The following MMP28 variants were observed in gnomAD, a reference collection of about 807,000 sequenced individuals.
The protein encoded by MMP28 is matrix metalloproteinase-28.
A neutral mutation model predicts 60.5 loss-of-function variants in MMP28; 55 were observed. The observed-to-expected ratio is 0.91, with a 90% CI of 0.73 to 1.14. The LOEUF is 1.14. MMP28 is among the 50% of genes most tolerant of loss of function. The probability of loss-of-function intolerance (pLI) is 0.00; values close to 1 mark genes in which losing one functional copy is unlikely to be tolerated. For missense variants in MMP28, 686 were observed against 738.3 expected, an observed-to-expected ratio of 0.93 and a Z score of 0.82; for synonymous variants, 318 against 312.5, an observed-to-expected ratio of 1.02 and a Z score of -0.18.
intron 1 of MMP28, among the ~76,000 whole-genome samples, chr17:35,794,553 T>C (rs2086909553): frequency 6.6e-6 from 1 of 152,094 alleles, no homozygotes; most frequent in African/African-American, 2.4e-5. Context: ...GCCTACACTT[T>C]TATCTAGAAA....
intron 4 of MMP28, among the ~76,000 whole-genome samples, chr17:35,771,696 A>AATATATATAAATATATAT (rs2086147518): frequency 2.0e-5 from 1 of 50,604 alleles, no homozygotes; most frequent in Non-Finnish European, 3.9e-5. Flanking sequence ...TATAGAAGTG[A>AATATATATAAATATATAT]ATATATATAT....
intron 1 of MMP28, among the ~76,000 whole-genome samples, chr17:35,784,075 G>C (rs1555609979): frequency 6.6e-6 from 1 of 152,176 alleles, no homozygotes; most frequent in African/African-American, 2.4e-5. Context: ...GAGGGCAGGA[G>C]TTCAAGGCCA....
At chr17:35,764,158 G>C, downstream of MMP28, 6 of 1,549,000 alleles carry the variant, frequency 3.9e-6, no homozygotes, top group Non-Finnish European at 5.2e-6. Context: ...AGCCGCCGCG[G>C]GTAGCGGAGG....
intron 1 of MMP28, among the ~76,000 whole-genome samples, chr17:35,788,110 T>A (rs2086708070): frequency 6.6e-6 from 1 of 151,716 alleles, no homozygotes; most frequent in African/African-American, 2.4e-5. Flanking sequence ...CTCTCTATGT[T>A]GCCCAGACTG....
intron 1 of MMP28, among the ~76,000 whole-genome samples, chr17:35,786,758 T>C (rs967270175): frequency 1.3e-5 from 2 of 150,904 alleles, no homozygotes; most frequent in Non-Finnish European, 2.9e-5. Flanking sequence ...GTTCTACATA[T>C]GAAAATATTT....
intron 1 of MMP28, among the ~76,000 whole-genome samples, chr17:35,790,792 A>G (rs2086792389): frequency 6.6e-6 from 1 of 152,150 alleles, no homozygotes; most frequent in Non-Finnish European, 1.5e-5. Flanking sequence ...GTTCGAAACC[A>G]GCCTGGCCAA....
At chr17:35,760,755 T>C (rs1598403838) in intron 2 of MMP28, 3 of 669,336 alleles carry the variant, frequency 4.5e-6, no homozygotes, top group East Asian at 5.7e-5. Context: ...TCTGAGTTGT[T>C]AGTGCTTTGG....
chr17:35,794,954 G>A (rs1382627312), intron 1 of MMP28, among the ~76,000 whole-genome samples: 1 of 152,158 alleles, frequency 6.6e-6, no homozygotes, highest in Non-Finnish European at 1.5e-5. Flanking sequence ...ATTCTCCCCA[G>A]CCTAGGTGGT....
chr17:35,758,411 G>A (rs1427444727), intron 2 of MMP28: 1 of 152,136 alleles, frequency 6.6e-6, no homozygotes, highest in Non-Finnish European at 1.5e-5. Flanking sequence ...TAGTGTGCTG[G>A]GTGGGCATGG....
chr17:35,758,488 T>G (rs1450993651), intron 2 of MMP28, among the ~76,000 whole-genome samples: 1 of 152,056 alleles, frequency 6.6e-6, no homozygotes, highest in East Asian at 1.9e-4. Context: ...GGTCAGGAGT[T>G]CAAGACCAGC....
chr17:35,766,528 T>G lies in MMP28; in HGVS notation c.1535A>C (p.His512Pro), dbSNP rs763999932. Residue 512 changes from histidine to proline, a missense_variant, in exon 8 of 8, where the codon CAT (histidine) becomes CCT (proline). Transcript: ENST00000605424. This position sits in a 1 kb window ranked among gnomAD's most constrained non-coding sequence, Gnocchi z 4.3. The part of the protein sequence containing the change: ...ATELPWMGCW[H>P]ANSGSALF ...GAACAGGGCGCTCCCCGAGTTGGCATGCCAGCAGCCCATCCAGGGCAGCTC... is the reference window on the plus strand; with the variant it reads ...GAACAGGGCGCTCCCCGAGTTGGCAGGCCAGCAGCCCATCCAGGGCAGCTC... 1 of 1,600,478 alleles carries G rather than the reference T, an allele frequency of 6.2e-7. No individual in the cohort carries two copies. Among genetic ancestry groups the G allele is most frequent in the Non-Finnish European group, 8.5e-7 (1 of 1,172,738 alleles).
intron 2 of MMP28, chr17:35,758,290 G>C (rs2085762573): frequency 6.6e-6 from 1 of 152,178 alleles, no homozygotes; most frequent in Admixed American, 6.6e-5. Flanking sequence ...GGTCTCCCAA[G>C]CAGACGTCTG....
At chr17:35,791,634 C>T (rs145508773) in intron 1 of MMP28, among the ~76,000 whole-genome samples, 1 of 152,158 alleles carries the variant, frequency 6.6e-6, no homozygotes, top group Non-Finnish European at 1.5e-5. Flanking sequence ...GTAGGTCTTA[C>T]TCTAGTTCAT....
At chr17:35,775,636 A>G (rs1436899546) in intron 3 of MMP28, among the ~76,000 whole-genome samples, 1 of 152,162 alleles carries the variant, frequency 6.6e-6, no homozygotes, top group Non-Finnish European at 1.5e-5. Flanking sequence ...CTGTTTCCCT[A>G]TGTGCAAAAT....
At chr17:35,764,471 AC>A (rs782346397), downstream of MMP28, 7 of 1,563,386 alleles carry the variant, frequency 4.5e-6, no homozygotes, top group African/African-American at 1.4e-5. Context: ...AGATCCGGCG[AC>A]GACCGCCGCG....
rs368500708 is a variant in MMP28, at chr17:35,768,286, C to A, written c.944G>T (p.Arg315Leu). The A allele has an allele frequency of 7.4e-6, 12 of 1,613,208 alleles. No homozygotes were observed. The South Asian group carries it at 1.3e-4, about 18-fold the overall frequency. The change falls in exon 6 of 8, where the codon CGC (arginine) becomes CTC (leucine). Residue 315 changes from arginine (R) to leucine (L), a missense_variant. Coordinates refer to ENST00000605424, the MANE Select transcript of MMP28 (RefSeq NM_024302.5). ...TWDSYSPQGR[R>L]PETQGPKYCH... is the part of the protein sequence containing the mutation. ...GTATTTAGGGCCCTGCGTTTCAGGGCGCCTTCCTTGGGGGCTGTAGGAGTC... is the reference window on the plus strand; with the variant it reads ...GTATTTAGGGCCCTGCGTTTCAGGGAGCCTTCCTTGGGGGCTGTAGGAGTC...
intron 1 of MMP28, among the ~76,000 whole-genome samples, chr17:35,790,836 G>A (rs1399357812): frequency 6.6e-6 from 1 of 151,216 alleles, no homozygotes; most frequent in East Asian, 1.9e-4. Context: ...CTTCCCACTT[G>A]ACACATCCCA....
chr17:35,772,497 G>A (rs1015109881), intron 4 of MMP28, among the ~76,000 whole-genome samples: 2 of 152,198 alleles, frequency 1.3e-5, no homozygotes, highest in Non-Finnish European at 1.5e-5. Flanking sequence ...AGGAGGGTGC[G>A]AGGGAGGTGG....
At chr17:35,769,930 T>C (rs2143228881) in intron 5 of MMP28, 137 bp downstream of exon 5, 1 of 1,186,540 alleles carries the variant, frequency 8.4e-7, no homozygotes, top group Non-Finnish European at 1.1e-6. Flanking sequence ...GGCTTTAGAA[T>C]TGGGACGAAT....
Sources: allele counts gnomAD v4.1 joint callset (sites outside exome capture counted in the v4.1 genomes callset), GRCh38; gene constraint gnomAD v4.1.1; non-coding constraint Gnocchi (gnomAD v3.1); transcripts MANE v1.5; gene names NCBI Gene and HGNC (gene_info 2026-07-23, HGNC 2026-07-21).